The following ALG9 variants were observed in gnomAD, a reference collection of about 807,000 sequenced individuals.
The protein encoded by ALG9 is ALG9 alpha-1,2-mannosyltransferase.
A neutral mutation model predicts 81.8 loss-of-function variants in ALG9; 55 were observed. That is an observed-to-expected ratio of 0.67 (90% CI 0.54 to 0.84). The LOEUF is 0.84. Among genes scored for constraint, ALG9 ranks in the 40% least tolerant of loss-of-function variants. The pLI is 0.00. For synonymous variants in ALG9, 278 were observed against 274.3 expected (o/e 1.01, Z -0.13); for missense variants, 629 against 745.0 (o/e 0.84, Z 1.81).
chr11:111,844,851 A>G (rs1473517343), intron 8 of ALG9, 128 bp from the exon 9 acceptor site: 1 of 983,602 alleles, frequency 1.0e-6, no homozygotes, highest in Non-Finnish European at 1.6e-6. Context: ...GAGAGTGCAC[A>G]GCCCACTCTT....
intron 13 of ALG9, among the ~76,000 whole-genome samples, chr11:111,827,838 G>C (rs1473715797): frequency 6.7e-6 from 1 of 149,836 alleles, no homozygotes; most frequent in Non-Finnish European, 1.5e-5. Flanking sequence ...CTGCACTCTG[G>C]CCTGGGTGAC....
At chr11:111,810,956 G>C (rs1162643271) in intron 13 of ALG9, among the ~76,000 whole-genome samples, 2 of 152,114 alleles carry the variant, frequency 1.3e-5, no homozygotes, top group Non-Finnish European at 2.9e-5. Flanking sequence ...CTGTATTAGA[G>C]GATCTAGTCA....
chr11:111,865,175 A>C lies in ALG9; in HGVS notation c.476+6T>G. ...GCACTTTTAGAAGCAAAGTTTTTAT[A>C]CTCACTTGTAAAAGTAAAGTTCACA... On this transcript the variant is annotated splice_donor_region_variant and intron_variant, in intron 4 of 14. Coordinates refer to ENST00000616540, the MANE Select transcript of ALG9 (RefSeq NM_024740.2). 6.5e-7 allele frequency: 1 copy of C among 1,539,252 alleles called. No homozygotes were observed. The highest frequency in any genetic ancestry group is 8.7e-7 in the Non-Finnish European group (1 of 1,143,038).
intron 14 of ALG9, among the ~76,000 whole-genome samples, chr11:111,787,486 T>C (rs1170476153): frequency 3.3e-5 from 5 of 152,114 alleles, no homozygotes; most frequent in Non-Finnish European, 5.9e-5. Context: ...AGACGGAGTC[T>C]TGCTCTGTCA....
At chr11:111,769,233 C>CCTGGG in the ALG9 span, 1 of 147,684 alleles carries the variant, frequency 6.8e-6, no homozygotes, top group Non-Finnish European at 1.5e-5. Flanking sequence ...ATCACTTGAG[C>CCTGGG]ACATGAGGTT....
intron 5 of ALG9, among the ~76,000 whole-genome samples, chr11:111,859,867 C>G (rs1042875986): frequency 6.6e-6 from 1 of 151,728 alleles, no homozygotes; most frequent in Admixed American, 6.6e-5. Flanking sequence ...AAAATTGAGA[C>G]AATTATATCC....
Position 111,784,823 on chromosome 11 carries a change from G to A in ALG9, c.*1574C>T, listed in dbSNP as rs1215893670. 6.6e-6 allele frequency: 1 copy of A among 152,112 alleles called. No individual in the cohort carries two copies. Among genetic ancestry groups the A allele is most frequent in the Non-Finnish European group, 1.5e-5 (1 of 68,022 alleles). 9.4% of individuals were successfully genotyped at this position (152,112 alleles called of 1,614,324 possible). A position where few individuals can be genotyped will look rare whatever the true frequency, so the allele number is the denominator to read the frequency against. ...TAGGGAAATAAGGCACCTATAATGTGACCCCAGATTGACTACAGGAATAGT... is the reference window on the plus strand; with the variant it reads ...TAGGGAAATAAGGCACCTATAATGTAACCCCAGATTGACTACAGGAATAGT... On this transcript the variant is annotated 3_prime_UTR_variant, in exon 15 of 15. Coordinates refer to ENST00000616540, the MANE Select transcript of ALG9 (RefSeq NM_024740.2).
intron 14 of ALG9, among the ~76,000 whole-genome samples, chr11:111,787,747 C>T (rs916814534): frequency 3.3e-5 from 5 of 151,344 alleles, no homozygotes; most frequent in Admixed American, 6.6e-5. Context: ...CGTGAGCCAC[C>T]GCACCTGGCA....
intron 13 of ALG9, among the ~76,000 whole-genome samples, chr11:111,829,820 C>A (rs782711029): frequency 2.2e-4 from 33 of 152,144 alleles, no homozygotes; most frequent in Admixed American, 7.2e-4. Context: ...ACTCTTGGAG[C>A]GGGACACAGC....
intron 4 of ALG9, 87 bp downstream of exon 4, chr11:111,865,093 TA>T: frequency 8.8e-7 from 1 of 1,132,722 alleles, no homozygotes; most frequent in Non-Finnish European, 1.2e-6. Context: ...TTTCTATTTC[TA>T]ATCACTGCCT....
intron 9 of ALG9, among the ~76,000 whole-genome samples, chr11:111,841,624 G>A (rs1430536514): frequency 3.3e-5 from 5 of 152,158 alleles, no homozygotes; most frequent in South Asian, 2.1e-4. Context: ...ACGCAAATGC[G>A]GGCAAATGGT....
intron 13 of ALG9, among the ~76,000 whole-genome samples, chr11:111,822,232 AC>A (rs55785333): frequency 1 from 149,446 of 149,726 alleles, 74,583 homozygotes; most frequent in Non-Finnish European, 1. Context: ...GCAGGGTGAA[AC>A]CCCTGTCTCT....
chr11:111,842,571 A>G (rs1448541877), intron 9 of ALG9, among the ~76,000 whole-genome samples: 1 of 151,604 alleles, frequency 6.6e-6, no homozygotes, highest in Non-Finnish European at 1.5e-5. Context: ...ACAGGTGTGC[A>G]TCGCCATGCC....
At chr11:111,771,940 C>T in the ALG9 span, among the ~76,000 whole-genome samples, 770 of 152,220 alleles carry the variant, frequency 5.1e-3, 7 homozygotes, top group Middle Eastern at 0.017. Context: ...AATACCCCAA[C>T]AAAGAGAAAG....
At chr11:111,871,330 C>T (rs781791068) in intron 1 of ALG9, 22 bp downstream of exon 1, 53 of 1,453,402 alleles carry the variant, frequency 3.6e-5, no homozygotes, top group South Asian at 2.5e-4. Flanking sequence ...CCGGCCACGC[C>T]CCTGCCGCGC....
intron 13 of ALG9, among the ~76,000 whole-genome samples, chr11:111,821,018 A>T (rs1229517000): frequency 2.0e-5 from 3 of 152,026 alleles, no homozygotes; most frequent in Non-Finnish European, 4.4e-5. Flanking sequence ...ATTGCTTGAT[A>T]TCAGGAATTT....
intron 14 of ALG9, among the ~76,000 whole-genome samples, 186 bp from the exon 15 acceptor site, chr11:111,786,706 C>A (rs1555064893): frequency 1.3e-5 from 2 of 152,076 alleles, no homozygotes; most frequent in African/African-American, 4.8e-5. Context: ...AGTACCTTGT[C>A]ACCTAAACGA....
At chr11:111,802,050 G>A (rs1259750291) in intron 14 of ALG9, among the ~76,000 whole-genome samples, 1 of 152,122 alleles carries the variant, frequency 6.6e-6, no homozygotes, top group Non-Finnish European at 1.5e-5. Context: ...TTCTGGCAAT[G>A]TCTTGAACAC....
chr11:111,781,073 C>T (rs542825937), downstream of ALG9, among the ~76,000 whole-genome samples: 71 of 152,320 alleles, frequency 4.7e-4, no homozygotes, highest in African/African-American at 1.6e-3. Context: ...AGAAAGATGA[C>T]ATTCTAGACA....
Sources: gnomAD v4.1 joint callset for allele counts (sites outside exome capture counted in the v4.1 genomes callset) on GRCh38, gnomAD v4.1.1 for gene constraint, MANE v1.5 for transcripts, NCBI Gene and HGNC (gene_info 2026-07-23, HGNC 2026-07-21) for gene names.